ZNF804B: variants seen among roughly 807,000 people sequenced by gnomAD.
The protein encoded by ZNF804B is zinc finger 804B.
Under a neutral mutation model 101.4 loss-of-function variants are expected in ZNF804B, and 80 were observed. The observed-to-expected ratio is 0.79, with a 90% CI of 0.66 to 0.95. The LOEUF (loss-of-function observed/expected upper bound fraction) is 0.95, where lower values mean the gene tolerates loss of function less well. ZNF804B is among the 40% of genes least tolerant of loss of function. ZNF804B has a pLI of 0.00. For missense variants in ZNF804B, 1,673 were observed against 1,561.9 expected, an observed-to-expected ratio of 1.07 and a Z score of -1.20; for synonymous variants, 622 against 558.8, an observed-to-expected ratio of 1.11 and a Z score of -1.59.
chr7:88,975,318 T>G (rs1438735768), intron 1 of ZNF804B, among the ~76,000 whole-genome samples: 1 of 151,434 alleles, frequency 6.6e-6, no homozygotes, highest in Non-Finnish European at 1.5e-5. Context: ...CTAGACCATA[T>G]GACCATTCTA....
intron 1 of ZNF804B, among the ~76,000 whole-genome samples, chr7:89,008,200 C>T (rs541717185): frequency 1.9e-4 from 29 of 152,126 alleles, no homozygotes; most frequent in Admixed American, 5.2e-4. Context: ...TTTCTTGACA[C>T]ACCCAAATAT....
chr7:88,781,703 C>G (rs765333952), intron 1 of ZNF804B, among the ~76,000 whole-genome samples: 10 of 151,994 alleles, frequency 6.6e-5, no homozygotes, highest in Non-Finnish European at 1.5e-4. Context: ...AAACAAACTA[C>G]TCAAAGTCAC....
intron 2 of ZNF804B, among the ~76,000 whole-genome samples, chr7:89,221,133 A>C (rs1359494490): frequency 6.6e-6 from 1 of 151,848 alleles, no homozygotes; most frequent in East Asian, 1.9e-4. Context: ...TTAAGTTTCC[A>C]CTGGCTTTTT....
intron 1 of ZNF804B, among the ~76,000 whole-genome samples, chr7:88,779,911 G>A (rs780865143): frequency 2.6e-5 from 4 of 151,984 alleles, no homozygotes; most frequent in Non-Finnish European, 4.4e-5. Flanking sequence ...GGTGCTACAG[G>A]GTCTATGCGT....
intron 1 of ZNF804B, among the ~76,000 whole-genome samples, chr7:88,825,983 A>G (rs1254380638): frequency 2.6e-5 from 4 of 152,194 alleles, no homozygotes; most frequent in African/African-American, 9.6e-5. Context: ...CAAAACCAGC[A>G]AATCTTCTGT....
intron 1 of ZNF804B, among the ~76,000 whole-genome samples, chr7:88,949,528 G>C (rs901751412): frequency 6.6e-6 from 1 of 151,820 alleles, no homozygotes; most frequent in Non-Finnish European, 1.5e-5. Context: ...CTTGTATGTG[G>C]CATATCTTCC....
chr7:89,246,547 T>A (rs1466647533), intron 2 of ZNF804B, among the ~76,000 whole-genome samples: 1 of 152,100 alleles, frequency 6.6e-6, no homozygotes, highest in Non-Finnish European at 1.5e-5. Flanking sequence ...TGTGCAGAGA[T>A]CCTGGTGTAA....
intron 1 of ZNF804B, among the ~76,000 whole-genome samples, chr7:89,006,864 A>G (rs1258360705): frequency 2.0e-5 from 3 of 152,078 alleles, no homozygotes; most frequent in African/African-American, 7.2e-5. Flanking sequence ...GGTGCTAACA[A>G]TGTCACCACA....
In ZNF804B at chr7:89,075,711, A is replaced by G. The variant is rs150587661; in HGVS notation, c.109-142444A>G. Among the ~76,000 whole-genome samples, 240 of 152,336 alleles carry G rather than the reference A, an allele frequency of 1.6e-3. 1 individual carries two copies. The highest frequency in any genetic ancestry group is 5.5e-3 in the African/African-American group (229 of 41,590). On this transcript the variant is annotated intron_variant, in intron 1 of 3. Transcript: ENST00000333190. Reference sequence around the variant, plus strand: ...AGAAGGCCACAATCCTCCAGACCCCAGAATGGTAGATAACACTGACAGTTT... The same window carrying G: ...AGAAGGCCACAATCCTCCAGACCCCGGAATGGTAGATAACACTGACAGTTT...
At chr7:88,854,533 T>TCCTTCCCTTC (rs1562812940) in intron 1 of ZNF804B, among the ~76,000 whole-genome samples, 7 of 78,178 alleles carry the variant, frequency 9.0e-5, no homozygotes, top group African/African-American at 4.1e-4. Context: ...TTCCTTTCCT[T>TCCTTCCCTTC]CCTTCCTTCC....
intron 2 of ZNF804B, among the ~76,000 whole-genome samples, chr7:89,257,972 T>G (rs1342045838): frequency 6.6e-6 from 1 of 152,122 alleles, no homozygotes; most frequent in East Asian, 1.9e-4. Context: ...CCATCCAAAT[T>G]TGCCAACCTT....
intron 1 of ZNF804B, among the ~76,000 whole-genome samples, chr7:88,998,051 C>T (rs552141238): frequency 3.9e-5 from 6 of 152,086 alleles, no homozygotes; most frequent in Non-Finnish European, 8.8e-5. Context: ...ATCTGACACA[C>T]GACACTATGC....
chr7:89,212,314 T>G (rs1309904615), intron 1 of ZNF804B, among the ~76,000 whole-genome samples: 1 of 149,504 alleles, frequency 6.7e-6, no homozygotes, highest in East Asian at 1.9e-4. Context: ...CATCCAAACA[T>G]TGAGTACCTA....
chr7:88,929,679 G>T (rs888311954), intron 1 of ZNF804B, among the ~76,000 whole-genome samples: 1 of 151,842 alleles, frequency 6.6e-6, no homozygotes, highest in Non-Finnish European at 1.5e-5. Flanking sequence ...GATTCTGTCT[G>T]ACAAGAGACT....
At chr7:88,847,446 T>G (rs563521198) in intron 1 of ZNF804B, among the ~76,000 whole-genome samples, 1 of 152,270 alleles carries the variant, frequency 6.6e-6, no homozygotes, top group African/African-American at 2.4e-5. Flanking sequence ...GCTACTAATT[T>G]TTAAGCTTAA....
chr7:89,031,967 GT>G (rs35786544), intron 1 of ZNF804B, among the ~76,000 whole-genome samples: 100,658 of 150,394 alleles, frequency 0.67, 34,123 homozygotes, highest in Middle Eastern at 0.73. Context: ...TGTGCAATAG[GT>G]TTTTTTTTTT....
At chr7:88,783,496 A>G (rs1159365203) in intron 1 of ZNF804B, among the ~76,000 whole-genome samples, 1 of 152,140 alleles carries the variant, frequency 6.6e-6, no homozygotes, top group Non-Finnish European at 1.5e-5. Context: ...TTCATCCATA[A>G]TATCTTAGAG....
At chr7:88,913,374 A>T (rs774192332) in intron 1 of ZNF804B, among the ~76,000 whole-genome samples, 1 of 152,118 alleles carries the variant, frequency 6.6e-6, no homozygotes, top group Non-Finnish European at 1.5e-5. Flanking sequence ...AGTATCTTTT[A>T]TATTCTCAAG....
At chr7:88,822,214 A>C (rs936430367) in intron 1 of ZNF804B, among the ~76,000 whole-genome samples, 1 of 152,158 alleles carries the variant, frequency 6.6e-6, no homozygotes, top group Non-Finnish European at 1.5e-5. Flanking sequence ...AAACTTCTGA[A>C]ATAGCCTTGG....
Sources: gnomAD v4.1 joint callset for allele counts (sites outside exome capture counted in the v4.1 genomes callset) on GRCh38, gnomAD v4.1.1 for gene constraint, MANE v1.5 for transcripts, NCBI Gene and HGNC (gene_info 2026-07-23, HGNC 2026-07-21) for gene names.